KCNIP1: variants seen among roughly 807,000 people sequenced by gnomAD.
The protein encoded by KCNIP1 is A-type potassium channel modulatory protein KCNIP1.
In KCNIP1, 18 loss-of-function variants were observed where a neutral mutation model predicts 33.0. The observed-to-expected ratio is 0.55, with a 90% confidence interval of 0.38 to 0.81. The LOEUF (loss-of-function observed/expected upper bound fraction) is 0.81. Ranked by LOEUF, KCNIP1 falls within the 30% of genes least tolerant of loss-of-function variation. The pLI is 0.00. For synonymous variants in KCNIP1, 93 were observed against 98.3 expected, an observed-to-expected ratio of 0.95 and a Z score of 0.32; for missense variants, 238 against 271.6, an observed-to-expected ratio of 0.88 and a Z score of 0.87.
chr5:170,628,859 C>T (rs1759941131), intron 1 of KCNIP1, among the ~76,000 whole-genome samples: 1 of 152,216 alleles, frequency 6.6e-6, no homozygotes, highest in African/African-American at 2.4e-5. Context: ...GCTTTGGCCC[C>T]CAGCCCCCTG....
At chr5:170,734,065 A>T (rs1308361914) in intron 7 of KCNIP1, among the ~76,000 whole-genome samples, 167 bp downstream of exon 7, 2 of 151,980 alleles carry the variant, frequency 1.3e-5, no homozygotes, top group African/African-American at 4.8e-5. Context: ...CCACTCCTCA[A>T]CCTGACCTGC....
intron 1 of KCNIP1, among the ~76,000 whole-genome samples, chr5:170,368,153 T>C (rs1196650395): frequency 1.3e-5 from 2 of 152,170 alleles, no homozygotes; most frequent in East Asian, 3.8e-4. Context: ...TTCCAGTCTG[T>C]GGGAATAGAT....
rs982208805 is a variant in KCNIP1 at position 170,541,814 on chromosome 5, C to T, written c.61+37181C>T. On this transcript the variant is annotated intron_variant, in intron 1 of 7. Coordinates refer to ENST00000328939, the MANE Select transcript of KCNIP1 (RefSeq NM_014592.4). ...TGCACCTCTCTGAGGTCCATTTGCA[C>T]CTCTCTGAGGTCCATTTGCACATCT... Among the ~76,000 whole-genome samples the T allele has an allele frequency of 4.6e-5, 7 of 152,322 alleles. 1 individual carries two copies. The East Asian group carries it at 1.3e-3, about 29-fold the overall frequency.
intron 1 of KCNIP1, among the ~76,000 whole-genome samples, chr5:170,638,322 C>T (rs72834416): frequency 0.095 from 14,436 of 152,118 alleles, 764 homozygotes; most frequent in African/African-American, 0.1. Context: ...CTGCCAGGCA[C>T]GTGCTGGCCT....
intron 1 of KCNIP1, among the ~76,000 whole-genome samples, chr5:170,369,485 C>T (rs955453625): frequency 3.3e-5 from 5 of 152,226 alleles, no homozygotes; most frequent in South Asian, 2.1e-4. Flanking sequence ...TTTTCTTGCA[C>T]GGTTCTTTTT....
intron 1 of KCNIP1, among the ~76,000 whole-genome samples, chr5:170,676,370 C>T (rs1246251398): frequency 2.0e-5 from 3 of 152,108 alleles, no homozygotes; most frequent in Non-Finnish European, 4.4e-5. Flanking sequence ...AATCATTTTC[C>T]CATTTTCGTC....
chr5:170,595,033 C>T (rs969123948), intron 1 of KCNIP1, among the ~76,000 whole-genome samples: 2 of 152,102 alleles, frequency 1.3e-5, no homozygotes, highest in Non-Finnish European at 2.9e-5. Flanking sequence ...CAACACAGGT[C>T]CCCCACACCA....
intron 1 of KCNIP1, among the ~76,000 whole-genome samples, chr5:170,414,345 G>T (rs776317715): frequency 1.3e-5 from 2 of 152,168 alleles, no homozygotes; most frequent in Non-Finnish European, 2.9e-5. Context: ...TCTGCACATC[G>T]TGAACTATAG....
chr5:170,485,102 G>A (rs527685048), intron 1 of KCNIP1, among the ~76,000 whole-genome samples: 6 of 152,078 alleles, frequency 3.9e-5, no homozygotes, highest in South Asian at 4.1e-4. Context: ...CACCACGCCC[G>A]GCTAATTTTG....
intron 1 of KCNIP1, among the ~76,000 whole-genome samples, chr5:170,460,447 G>T (rs1043865719): frequency 6.6e-6 from 1 of 151,994 alleles, no homozygotes; most frequent in African/African-American, 2.4e-5. Context: ...TTAACAAAAT[G>T]CTAGCTAACC....
At chr5:170,383,852 T>A (rs201757163) in intron 1 of KCNIP1, 2 of 1,613,674 alleles carry the variant, frequency 1.2e-6, no homozygotes, top group East Asian at 4.5e-5. Context: ...GTCCACACGC[T>A]GAGGAGACCA....
chr5:170,560,268 G>C (rs982094290), intron 1 of KCNIP1, among the ~76,000 whole-genome samples: 6 of 152,122 alleles, frequency 3.9e-5, no homozygotes, highest in African/African-American at 1.4e-4. Context: ...CTTATGACTT[G>C]AGCCAGCGAG....
At chr5:170,525,735 T>C (rs1238391144) in intron 1 of KCNIP1, among the ~76,000 whole-genome samples, 1 of 151,842 alleles carries the variant, frequency 6.6e-6, no homozygotes, top group Non-Finnish European at 1.5e-5. Flanking sequence ...TCTCCTGGAG[T>C]GGGAGTAAGG....
At chr5:170,415,635 C>T (rs1755307457) in intron 1 of KCNIP1, among the ~76,000 whole-genome samples, 1 of 152,208 alleles carries the variant, frequency 6.6e-6, no homozygotes, top group Non-Finnish European at 1.5e-5. Flanking sequence ...ACCGTCCTAT[C>T]AACCCTCCAG....
chr5:170,640,376 G>A (rs904937991), intron 1 of KCNIP1, among the ~76,000 whole-genome samples: 1 of 152,290 alleles, frequency 6.6e-6, no homozygotes, highest in East Asian at 1.9e-4. Flanking sequence ...CATCAGCAGG[G>A]CCTGCAAAAG....
At chr5:170,449,456 G>A (rs966237812) in intron 1 of KCNIP1, among the ~76,000 whole-genome samples, 6 of 152,192 alleles carry the variant, frequency 3.9e-5, no homozygotes, top group Admixed American at 3.9e-4. Context: ...CACTTCCAGG[G>A]CTCCAAGGAG....
At chr5:170,612,099 T>C (rs957865102) in intron 1 of KCNIP1, among the ~76,000 whole-genome samples, 1 of 152,210 alleles carries the variant, frequency 6.6e-6, no homozygotes, top group Non-Finnish European at 1.5e-5. Flanking sequence ...AGACACATCA[T>C]GTCCACAAGA....
At chr5:170,487,521 CT>C (rs35638864) in intron 1 of KCNIP1, among the ~76,000 whole-genome samples, 27,028 of 138,396 alleles carry the variant, frequency 0.2, 2,491 homozygotes, top group Non-Finnish European at 0.22. Flanking sequence ...AGTCACGGAA[CT>C]TTTTTTTTTT....
At chr5:170,706,108 C>T (rs553539021) in intron 1 of KCNIP1, among the ~76,000 whole-genome samples, 10 of 152,216 alleles carry the variant, frequency 6.6e-5, no homozygotes, top group Non-Finnish European at 1.5e-4. Context: ...ACATTAATAC[C>T]GAATCCAGCA....
Sources: gnomAD v4.1 joint callset for allele counts (sites outside exome capture counted in the v4.1 genomes callset) on GRCh38, gnomAD v4.1.1 for gene constraint, MANE v1.5 for transcripts, NCBI Gene and HGNC (gene_info 2026-07-23, HGNC 2026-07-21) for gene names.